Variants in MAP9 observed in about 807,000 individuals in gnomAD.
The protein encoded by MAP9 is microtubule-associated protein 9.
A neutral mutation model predicts 75.2 loss-of-function variants in MAP9; 80 were observed. The ratio of observed to expected loss-of-function variants is 1.06; its 90% CI spans 0.89 to 1.28. The LOEUF is 1.28. Among genes scored for constraint, MAP9 ranks in the 50% most tolerant of loss-of-function variants. The pLI, the probability that MAP9 is intolerant of heterozygous loss-of-function variation, is 0.00. For synonymous variants in MAP9, 235 were observed against 237.3 expected, an observed-to-expected ratio of 0.99 and a Z score of 0.09; for missense variants, 753 against 719.9, an observed-to-expected ratio of 1.05 and a Z score of -0.53.
intron 12 of MAP9, 28 bp from the exon 13 acceptor site, chr4:155,352,756 G>T: frequency 6.6e-7 from 1 of 1,510,632 alleles, no homozygotes; most frequent in Non-Finnish European, 8.9e-7. Flanking sequence ...AAACACTGGA[G>T]AGTTAAAGGA....
At chr4:155,348,603 T>G (rs1023309567) in intron 13 of MAP9, among the ~76,000 whole-genome samples, 2 of 152,290 alleles carry the variant, frequency 1.3e-5, no homozygotes, top group Non-Finnish European at 2.9e-5. Context: ...ATACTTCAAA[T>G]TTTTTACAAA....
chr4:155,373,094 A>G (rs1358840560), intron 4 of MAP9, 42 bp downstream of exon 4: 1 of 1,350,620 alleles, frequency 7.4e-7, no homozygotes, highest in African/African-American at 1.5e-5. Context: ...ATCTTAAAAT[A>G]AACTTCCAAG....
Position 155,355,165 on chromosome 4 carries a change from A to T in MAP9, c.1291-5T>A, listed in dbSNP as rs2880181. The stretch of plus-strand genomic sequence containing the variant: ...ATTTTTCTTTTCTAACCACTCCTAT[A>T]AGAACAAGAAAAAGGTCATATAATA... On this transcript the variant is annotated splice_region_variant and splice_polypyrimidine_tract_variant and intron_variant, in intron 9 of 13. Coordinates refer to ENST00000311277, the MANE Select transcript of MAP9 (RefSeq NM_001039580.2). 2.9e-6 allele frequency: 3 copies of T among 1,044,152 alleles called. No homozygotes were observed. The highest frequency in any genetic ancestry group is 1.7e-5 in the South Asian group (1 of 59,820). 64.7% of individuals were successfully genotyped at this position (1,044,152 alleles called of 1,614,324 possible).
chr4:155,352,478 A>C (rs1731555257), intron 13 of MAP9, 118 bp downstream of exon 13: 1 of 1,017,886 alleles, frequency 9.8e-7, no homozygotes, highest in African/African-American at 1.6e-5. Flanking sequence ...AATTCAACAA[A>C]GCAGATTCCA....
intron 8 of MAP9, among the ~76,000 whole-genome samples, chr4:155,356,638 A>G (rs896035957): frequency 3.5e-4 from 53 of 152,170 alleles, no homozygotes; most frequent in African/African-American, 1.2e-3. Context: ...GATTGGTGGG[A>G]AAATTTGGCC....
At chr4:155,366,087 G>A (rs898575394) in intron 5 of MAP9, among the ~76,000 whole-genome samples, 1 of 152,078 alleles carries the variant, frequency 6.6e-6, no homozygotes, top group Non-Finnish European at 1.5e-5. Flanking sequence ...GAGGCCAGGC[G>A]CCGTGGCTCA....
intron 13 of MAP9, among the ~76,000 whole-genome samples, chr4:155,350,517 A>C (rs1029842657): frequency 1.3e-4 from 20 of 152,002 alleles, no homozygotes; most frequent in African/African-American, 4.8e-4. Flanking sequence ...GGAAAACTCA[A>C]ATGTTTACAT....
chr4:155,373,050 T>C (rs1409391766), intron 4 of MAP9, 86 bp downstream of exon 4: 12 of 848,706 alleles, frequency 1.4e-5, no homozygotes, highest in South Asian at 6.2e-5. Context: ...CTTAAATATA[T>C]ACTAGCTACC....
chr4:155,352,820 G>T, intron 12 of MAP9, 92 bp from the exon 13 acceptor site: 2 of 1,387,952 alleles, frequency 1.4e-6, no homozygotes, highest in Non-Finnish European at 2.0e-6. Flanking sequence ...AAATTGAAAT[G>T]CATTACTAAA....
intron 3 of MAP9, among the ~76,000 whole-genome samples, chr4:155,374,592 G>C (rs1235289821): frequency 6.6e-6 from 1 of 152,172 alleles, no homozygotes. Flanking sequence ...TTACTAACTA[G>C]CTGTAGCACC....
chr4:155,366,469 C>T (rs571258263), intron 5 of MAP9, among the ~76,000 whole-genome samples: 1 of 152,038 alleles, frequency 6.6e-6, no homozygotes. Context: ...AAAATGATTG[C>T]GGTTTTTGTC....
intron 13 of MAP9, chr4:155,349,846 TA>T: frequency 6.5e-6 from 1 of 153,666 alleles, no homozygotes; most frequent in Admixed American, 6.5e-5. Flanking sequence ...GAGGGGGCAG[TA>T]ACTTGAAATA....
At chr4:155,363,226 GCTGATAT>G (rs1732169570) in intron 5 of MAP9, 4 of 152,142 alleles carry the variant, frequency 2.6e-5, no homozygotes, top group Admixed American at 2.6e-4. Flanking sequence ...AGAAATTTCA[GCTGATAT>G]CCACTGCAGG....
At chr4:155,371,735 T>C (rs1578861768) in intron 4 of MAP9, among the ~76,000 whole-genome samples, 1 of 151,518 alleles carries the variant, frequency 6.6e-6, no homozygotes, top group Non-Finnish European at 1.5e-5. Flanking sequence ...TTTTTTAAGG[T>C]ATGAAATAGG....
At position 155,347,209 on chromosome 4, in the gene MAP9, C is replaced by T. The variant is rs1422047062; in HGVS notation, c.*574G>A. The stretch of plus-strand genomic sequence containing the variant: ...AGTACACTCATATTAAAACATAAGG[C>T]AAAATTCTTAAATAAAAAGCCTTGA... On this transcript the variant is annotated 3_prime_UTR_variant, in exon 14 of 14. Transcript: ENST00000311277. 3 of 152,108 alleles carry T rather than the reference C, an allele frequency of 2.0e-5. No homozygotes were observed. Among genetic ancestry groups the T allele is most frequent in the Non-Finnish European group, 4.4e-5 (3 of 68,026 alleles). 9.4% of individuals were successfully genotyped at this position (152,108 alleles called of 1,614,324 possible).
At chr4:155,357,596 A>C (rs1216335598) in intron 7 of MAP9, 77 bp from the exon 8 acceptor site, 5 of 803,650 alleles carry the variant, frequency 6.2e-6, no homozygotes, top group Non-Finnish European at 1.1e-5. Flanking sequence ...AACTGCCAGT[A>C]AATCACTATT....
chr4:155,370,637 G>A (rs1181874234), intron 4 of MAP9, among the ~76,000 whole-genome samples: 2 of 150,868 alleles, frequency 1.3e-5, no homozygotes, highest in Non-Finnish European at 2.9e-5. Context: ...CTGAAAGAAG[G>A]TGTTGAGTCA....
Position 155,355,783 on chromosome 4 carries a change from T to C in MAP9, c.1223A>G (p.Gln408Arg), listed in dbSNP as rs1731752203. The C allele has an allele frequency of 6.2e-7, 1 of 1,613,922 alleles. No homozygotes were observed. The highest frequency in any genetic ancestry group is 1.7e-5 in the Admixed American group (1 of 59,978). The change falls in exon 9 of 14, where the codon CAA becomes CGA. Residue 408 changes from glutamine (Q) to arginine (R), a missense_variant. Physicochemically the swap from Gln to Arg is conservative, Grantham distance 43. Transcript: ENST00000311277. ...HYLGTLKVLDQKPSQKQSIEP... is the reference protein window; with the variant it reads ...HYLGTLKVLDRKPSQKQSIEP... ...TATGCTCTGTTTCTGTGAAGGTTTT[T>C]GGTCCAAGACTTTTAAAGTCCCTAA...
chr4:155,352,790 G>A, intron 12 of MAP9, 62 bp from the exon 13 acceptor site: 1 of 1,456,042 alleles, frequency 6.9e-7, no homozygotes, highest in Non-Finnish European at 9.3e-7. Flanking sequence ...AGATTCCCTA[G>A]TACATCTTTG....
Sources: allele counts gnomAD v4.1 joint callset (sites outside exome capture counted in the v4.1 genomes callset), GRCh38; gene constraint gnomAD v4.1.1; transcripts MANE v1.5; gene names NCBI Gene and HGNC (gene_info 2026-07-23, HGNC 2026-07-21).